Variants in NR1I2 observed in about 807,000 individuals in gnomAD.
The protein encoded by NR1I2 is orphan nuclear receptor PAR1.
In NR1I2, 42 loss-of-function variants were observed where a neutral mutation model predicts 43.3. That is an observed-to-expected ratio of 0.97 (90% CI 0.76 to 1.26). The LOEUF is 1.26. Among genes scored for constraint, NR1I2 ranks in the 50% most tolerant of loss-of-function variants. NR1I2 has a pLI of 0.00. For synonymous variants in NR1I2, 229 were observed against 215.0 expected (o/e 1.06, Z -0.57); for missense variants, 559 against 566.7 (o/e 0.99, Z 0.14).
intron 1 of NR1I2, among the ~76,000 whole-genome samples, chr3:119,787,763 G>C (rs532898492): frequency 6.6e-6 from 1 of 150,644 alleles, no homozygotes; most frequent in Non-Finnish European, 1.5e-5. Flanking sequence ...TTAATTATGC[G>C]TGTGTGTATA....
At chr3:119,812,592 G>A (rs978904450) in intron 4 of NR1I2, 94 bp from the exon 5 acceptor site, 67 of 1,444,716 alleles carry the variant, frequency 4.6e-5, no homozygotes, top group Non-Finnish European at 6.5e-5. Context: ...AGCTGCAACT[G>A]TGGCTGTGCA....
intron 1 of NR1I2, among the ~76,000 whole-genome samples, chr3:119,800,256 C>T (rs2107961072): frequency 6.6e-6 from 1 of 152,286 alleles, no homozygotes; most frequent in East Asian, 1.9e-4. Flanking sequence ...GCTGGCCTTT[C>T]CTCCATTGAA....
chr3:119,811,878 G>T (rs2055248780), intron 4 of NR1I2, 152 bp downstream of exon 4: 3 of 796,242 alleles, frequency 3.8e-6, no homozygotes, highest in Non-Finnish European at 6.3e-6. Flanking sequence ...ATCTGTGCTA[G>T]CTCCTCAAAG....
intron 1 of NR1I2, among the ~76,000 whole-genome samples, chr3:119,783,967 C>T (rs1204809938): frequency 1.3e-5 from 2 of 152,130 alleles, no homozygotes; most frequent in South Asian, 2.1e-4. Context: ...TTTATTTAGC[C>T]GTTTTCTTTT....
At position 119,815,825 on chromosome 3, in the gene NR1I2, C is replaced by T. The variant is rs745572717; in HGVS notation, c.1154C>T (p.Ala385Val). 6.2e-7 allele frequency: 1 copy of T among 1,607,918 alleles called. No homozygotes were observed. The change falls in exon 8 of 9, where the codon GCT (alanine) becomes GTT (valine). Residue 385 changes from alanine to valine, a missense_variant. Physicochemically the swap from Ala to Val is moderately conservative, Grantham distance 64 (BLOSUM62 0). Transcript: ENST00000393716. ...ATTGAATGCAATCGGCCCCAGCCTG[C>T]TCATAGGTGAGCACAGCAGGGGGTG...
intron 1 of NR1I2, among the ~76,000 whole-genome samples, chr3:119,793,203 T>G (rs1319893584): frequency 5.3e-5 from 8 of 152,160 alleles, no homozygotes; most frequent in Admixed American, 5.2e-4. Flanking sequence ...ACCTCTTTTC[T>G]TCATAAATTA....
In NR1I2 at chr3:119,817,074, GT is replaced by G. The variant is rs764729724; in HGVS notation, c.1169del (p.Phe390SerfsTer2). On this transcript the variant is annotated frameshift_variant, in exon 9 of 9. Coordinates refer to ENST00000393716, the MANE Select transcript of NR1I2 (RefSeq NM_003889.4). LOFTEE classifies it high-confidence loss of function. ...TTCTCTGGCTGGCATGCAGGTTCTT[GT>G]TCCTGAAGATCATGGCTATGCTCAC... The G allele has an allele frequency of 1.9e-6, 3 of 1,614,200 alleles. No individual in the cohort carries two copies. The South Asian group carries it at 3.3e-5, about 18-fold the overall frequency.
intron 5 of NR1I2, 109 bp downstream of exon 5, chr3:119,813,069 A>G (rs1049438217): frequency 8.1e-7 from 1 of 1,240,620 alleles, no homozygotes; most frequent in South Asian, 1.3e-5. Flanking sequence ...GTGTCAGAAG[A>G]CCCTCCTTTT....
intron 1 of NR1I2, chr3:119,792,205 C>A: frequency 7.3e-7 from 1 of 1,366,258 alleles, no homozygotes; most frequent in South Asian, 1.2e-5. Context: ...ATCCTCAAGT[C>A]AGTGGTGGCT....
At chr3:119,815,975 C>T in intron 8 of NR1I2, 144 bp downstream of exon 8, 1 of 713,786 alleles carries the variant, frequency 1.4e-6, no homozygotes, top group Non-Finnish European at 2.5e-6. Flanking sequence ...CTTTTGAGCA[C>T]TACCTAACCA....
At chr3:119,798,655 G>A (rs867275657) in intron 1 of NR1I2, among the ~76,000 whole-genome samples, 9,965 of 127,104 alleles carry the variant, frequency 0.078, 762 homozygotes, top group African/African-American at 0.2. Flanking sequence ...AAAAAAAAAA[G>A]AAAAAGAAAG....
intron 1 of NR1I2, among the ~76,000 whole-genome samples, chr3:119,783,214 T>C (rs2054801786): frequency 6.6e-6 from 1 of 152,242 alleles, no homozygotes; most frequent in South Asian, 2.1e-4. Flanking sequence ...TTAAAAATAT[T>C]TTAGTTATGT....
In NR1I2 at chr3:119,810,045, C is replaced by T. The variant is rs954102351; in HGVS notation, c.198-16C>T. The T allele has an allele frequency of 6.2e-7, 1 of 1,613,712 alleles. No homozygotes were observed. Among genetic ancestry groups the T allele is most frequent in the Non-Finnish European group, 8.5e-7 (1 of 1,179,918 alleles). ...GCACCCGTGCATCCCCCCTTCTGCT[C>T]CCCATTCTCTCACAGGAGGGCCATG... is the stretch of plus-strand genomic sequence containing the variant. On this transcript the variant is annotated splice_polypyrimidine_tract_variant and intron_variant, in intron 2 of 8. Transcript: ENST00000393716.
chr3:119,782,806 C>G, intron 1 of NR1I2: 4 of 1,614,198 alleles, frequency 2.5e-6, no homozygotes, highest in Non-Finnish European at 3.4e-6. Context: ...CCTCAGAGCA[C>G]CTGCCATACC....
chr3:119,813,389 G>A (rs1183702324), intron 5 of NR1I2, among the ~76,000 whole-genome samples: 2 of 152,172 alleles, frequency 1.3e-5, no homozygotes, highest in East Asian at 1.9e-4. Context: ...TGGGGAGGGC[G>A]GGTGGTCCTC....
chr3:119,798,449 T>C (rs560023871), intron 1 of NR1I2, among the ~76,000 whole-genome samples: 3 of 152,188 alleles, frequency 2.0e-5, no homozygotes, highest in East Asian at 3.9e-4. Flanking sequence ...AAGTGAACAA[T>C]TGAATAACTG....
At chr3:119,795,854 C>A (rs1430219514) in intron 1 of NR1I2, among the ~76,000 whole-genome samples, 1 of 152,216 alleles carries the variant, frequency 6.6e-6, no homozygotes, top group Non-Finnish European at 1.5e-5. Context: ...ACTTCCCAAC[C>A]TAATAGGCAG....
intron 1 of NR1I2, among the ~76,000 whole-genome samples, chr3:119,785,920 G>GTAAAAGTGTTTAGT (rs1464092939): frequency 6.6e-6 from 1 of 152,168 alleles, no homozygotes; most frequent in Admixed American, 6.5e-5. Context: ...AAGATAGCTA[G>GTAAAAGTGTTTAGT]TAAAAGTGTT....
chr3:119,802,962 T>G, intron 1 of NR1I2: 1 of 456,698 alleles, frequency 2.2e-6, no homozygotes, highest in Admixed American at 2.3e-5. Flanking sequence ...GTGTGATGGC[T>G]TTAGAAGATG....
Sources: allele counts gnomAD v4.1 joint callset (sites outside exome capture counted in the v4.1 genomes callset), GRCh38; gene constraint gnomAD v4.1.1; transcripts MANE v1.5; gene names NCBI Gene and HGNC (gene_info 2026-07-23, HGNC 2026-07-21).